The following CHD6 variants were observed in gnomAD, a reference collection of about 807,000 sequenced individuals.
CHD6 encodes the protein ATP-dependent chromatin remodeler CHD6.
Under a neutral mutation model 276.9 loss-of-function variants are expected in CHD6, and 50 were observed. That is an observed-to-expected ratio of 0.18 (90% CI 0.14 to 0.23). The LOEUF is 0.23. CHD6 is among the 10% of genes least tolerant of loss of function. CHD6 has a pLI of 1.00. For missense variants in CHD6, 2,564 were observed against 3,365.8 expected, an observed-to-expected ratio of 0.76 and a Z score of 5.89; for synonymous variants, 1,173 against 1,229.3, an observed-to-expected ratio of 0.95 and a Z score of 0.96.
chr20:41,406,527 C>T (rs1306824667), intron 36 of CHD6, among the ~76,000 whole-genome samples: 1 of 152,206 alleles, frequency 6.6e-6, no homozygotes, highest in African/African-American at 2.4e-5. Context: ...CAGCCCCACA[C>T]CCTCCTTCCT....
Position 41,403,841 on chromosome 20 carries a change from G to C in CHD6, c.*752C>G, listed in dbSNP as rs567862514. The C allele has an allele frequency of 9.5e-7, 1 of 1,056,984 alleles. No individual in the cohort carries two copies. Among genetic ancestry groups the C allele is most frequent in the East Asian group, 5.2e-5 (1 of 19,136 alleles). The allele number at this position is 1,056,984 out of a possible 1,614,324, so 65.5% of individuals were successfully genotyped here. On this transcript the variant is annotated 3_prime_UTR_variant, in exon 37 of 37. Transcript: ENST00000373233. Reference sequence around the variant, plus strand: ...GAGCGCGGGTCCTTGCCCCACCCCCGTCGACAGCAATAACTCATGGTGGGT... The same window carrying C: ...GAGCGCGGGTCCTTGCCCCACCCCCCTCGACAGCAATAACTCATGGTGGGT...
intron 17 of CHD6, among the ~76,000 whole-genome samples, chr20:41,464,864 A>T (rs2042883875): frequency 1.3e-5 from 2 of 152,250 alleles, no homozygotes; most frequent in Admixed American, 1.3e-4. Flanking sequence ...GGAAGCACTC[A>T]AAAAACAATG....
chr20:41,483,217 G>C, intron 16 of CHD6, 92 bp downstream of exon 16: 1 of 1,139,972 alleles, frequency 8.8e-7, no homozygotes, highest in Admixed American at 3.0e-5. Flanking sequence ...TGAATGTTTT[G>C]TGTTTAAACA....
chr20:41,416,443 TA>T (rs2145428752), intron 33 of CHD6, 144 bp downstream of exon 33: 2 of 683,434 alleles, frequency 2.9e-6, no homozygotes, highest in Non-Finnish European at 4.9e-6. Context: ...GGATAAAGTC[TA>T]AATTCCCCAA....
chr20:41,616,260 A>C (rs1402892375), intron 1 of CHD6, among the ~76,000 whole-genome samples: 2 of 152,206 alleles, frequency 1.3e-5, no homozygotes, highest in African/African-American at 4.8e-5. Context: ...ATAAAGATAT[A>C]GAATATTTAA....
At chr20:41,450,359 G>C (rs763636493) in intron 23 of CHD6, among the ~76,000 whole-genome samples, 6 of 152,108 alleles carry the variant, frequency 3.9e-5, no homozygotes, top group Non-Finnish European at 8.8e-5. Context: ...TTGCACAGTG[G>C]TGCAAATATC....
intron 3 of CHD6, among the ~76,000 whole-genome samples, chr20:41,532,809 AATGT>A (rs2044720643): frequency 6.6e-6 from 1 of 152,320 alleles, no homozygotes; most frequent in African/African-American, 2.4e-5. Flanking sequence ...TAAAAACACA[AATGT>A]CGTTTTTGAA....
chr20:41,531,563 C>CTT (rs1568680741), intron 3 of CHD6, among the ~76,000 whole-genome samples: 3 of 152,148 alleles, frequency 2.0e-5, no homozygotes, highest in Non-Finnish European at 4.4e-5. Flanking sequence ...TTTAGTTAGG[C>CTT]AGAATCCTGA....
intron 1 of CHD6, among the ~76,000 whole-genome samples, chr20:41,607,734 G>A (rs2045844202): frequency 1.4e-5 from 2 of 148,022 alleles, no homozygotes; most frequent in Admixed American, 1.3e-4. Flanking sequence ...CAATAAGCAT[G>A]GGAAACAGTA....
intron 5 of CHD6, among the ~76,000 whole-genome samples, chr20:41,512,644 G>A (rs541510986): frequency 6.6e-5 from 10 of 152,190 alleles, no homozygotes; most frequent in Admixed American, 1.3e-4. Context: ...AAAACAAGGC[G>A]AGAGTGTGAT....
intron 3 of CHD6, among the ~76,000 whole-genome samples, chr20:41,524,245 C>T (rs1284414366): frequency 6.6e-6 from 1 of 152,110 alleles, no homozygotes; most frequent in African/African-American, 2.4e-5. Flanking sequence ...ACTGAGTCTA[C>T]ATAGAAAACT....
intron 1 of CHD6, among the ~76,000 whole-genome samples, chr20:41,584,023 A>G (rs1302843201): frequency 5.3e-5 from 8 of 152,114 alleles, no homozygotes; most frequent in Non-Finnish European, 1.0e-4. Flanking sequence ...AACCATATTA[A>G]TAATTATGTT....
chr20:41,532,969 T>C (rs2044725261), intron 3 of CHD6, 81 bp downstream of exon 3: 2 of 1,469,864 alleles, frequency 1.4e-6, no homozygotes, highest in East Asian at 4.6e-5. Context: ...GGGTTATGCC[T>C]AGGGGCTTGG....
intron 3 of CHD6, among the ~76,000 whole-genome samples, chr20:41,527,538 G>C (rs776682488): frequency 6.6e-6 from 1 of 152,196 alleles, no homozygotes; most frequent in Non-Finnish European, 1.5e-5. Flanking sequence ...CCTGGATATA[G>C]AGTAAAAGAA....
At chr20:41,493,388 G>C (rs1165093638) in intron 10 of CHD6, 150 bp downstream of exon 10, 11 of 774,240 alleles carry the variant, frequency 1.4e-5, no homozygotes, top group Non-Finnish European at 6.2e-6. Flanking sequence ...ATCTGGGGTG[G>C]AAAACACTGA....
intron 2 of CHD6, 71 bp downstream of exon 2, chr20:41,551,234 A>G: frequency 1.0e-6 from 1 of 973,176 alleles, no homozygotes. Flanking sequence ...CAACACTGCC[A>G]GTGTCTCCCC....
At chr20:41,490,621 T>C (rs746368337) in intron 11 of CHD6, among the ~76,000 whole-genome samples, 8 of 152,112 alleles carry the variant, frequency 5.3e-5, no homozygotes, top group Non-Finnish European at 8.8e-5. Flanking sequence ...GAGACGAACC[T>C]GGCCAACATG....
rs1601175642 is a variant in CHD6 at position 41,592,010 on chromosome 20, A to C, written c.-24+26330T>G. ...GCTACTCAGGAGGCAGAGGCAAGAG[A>C]ATGGCGTGAACCCAGGAGGCAGAGC... On this transcript the variant is annotated intron_variant, in intron 1 of 36. Transcript: ENST00000373233. Among the ~76,000 whole-genome samples the C allele has an allele frequency of 2.6e-5, 4 of 152,180 alleles. No individual in the cohort carries two copies. The South Asian group carries it at 8.3e-4, about 32-fold the overall frequency.
At chr20:41,531,526 T>C (rs914185310) in intron 3 of CHD6, among the ~76,000 whole-genome samples, 1 of 152,192 alleles carries the variant, frequency 6.6e-6, no homozygotes, top group African/African-American at 2.4e-5. Flanking sequence ...CTCACTAGGT[T>C]CACTAAGAAA....
Sources: allele counts gnomAD v4.1 joint callset (sites outside exome capture counted in the v4.1 genomes callset), GRCh38; gene constraint gnomAD v4.1.1; transcripts MANE v1.5; gene names NCBI Gene and HGNC (gene_info 2026-07-23, HGNC 2026-07-21).